The following ALPK2 variants were observed in gnomAD, a reference collection of about 807,000 sequenced individuals.
ALPK2 encodes alpha-protein kinase 2.
Under a neutral mutation model 163.1 loss-of-function variants are expected in ALPK2, and 127 were observed. The observed-to-expected ratio is 0.78, with a 90% CI of 0.67 to 0.90. ALPK2 has a LOEUF of 0.90. Among genes scored for constraint, ALPK2 ranks in the 40% least tolerant of loss-of-function variants. The probability of loss-of-function intolerance (pLI) is 0.00; values close to 1 mark genes in which losing one functional copy is unlikely to be tolerated. For synonymous variants in ALPK2, 953 were observed against 959.1 expected (o/e 0.99, Z 0.12); for missense variants, 2,360 against 2,589.6 (o/e 0.91, Z 1.92).
intron 12 of ALPK2, among the ~76,000 whole-genome samples, chr18:58,482,425 CAAT>C (rs1377448220): frequency 1.1e-4 from 16 of 152,062 alleles, no homozygotes; most frequent in Admixed American, 6.6e-4. Context: ...GAGAAGTTCT[CAAT>C]AAAGAATTTC....
At chr18:58,528,918 C>A in intron 6 of ALPK2, 173 bp downstream of exon 6, 1 of 779,168 alleles carries the variant, frequency 1.3e-6, no homozygotes, top group East Asian at 2.9e-5. Flanking sequence ...ATCATTTTCC[C>A]CATCCAGACA....
chr18:58,493,385 G>A (rs1236298446), intron 12 of ALPK2, among the ~76,000 whole-genome samples: 3 of 152,108 alleles, frequency 2.0e-5, no homozygotes, highest in African/African-American at 4.8e-5. Context: ...CTCGGGGCGT[G>A]TTTCTTCGGA....
intron 10 of ALPK2, among the ~76,000 whole-genome samples, chr18:58,505,960 C>T (rs12953464): frequency 0.54 from 81,741 of 151,394 alleles, 22,967 homozygotes; most frequent in Non-Finnish European, 0.63. Flanking sequence ...TCTGTGAGTT[C>T]CTCATCCTCT....
intron 3 of ALPK2, among the ~76,000 whole-genome samples, chr18:58,592,500 C>A (rs1294798125): frequency 6.6e-6 from 1 of 152,078 alleles, no homozygotes; most frequent in Non-Finnish European, 1.5e-5. Context: ...TGCACCGGAG[C>A]TGGAATGATC....
intron 10 of ALPK2, among the ~76,000 whole-genome samples, chr18:58,505,728 A>T (rs761000396): frequency 6.6e-5 from 10 of 151,862 alleles, no homozygotes; most frequent in Non-Finnish European, 1.2e-4. Flanking sequence ...CTCCCCTCCC[A>T]TTCTCTCTTA....
intron 12 of ALPK2, among the ~76,000 whole-genome samples, chr18:58,496,970 C>T (rs912642771): frequency 4.6e-5 from 7 of 152,258 alleles, no homozygotes; most frequent in Non-Finnish European, 8.8e-5. Context: ...CCCTATGTCC[C>T]AGAGACTGCT....
intron 1 of ALPK2, among the ~76,000 whole-genome samples, chr18:58,620,986 T>C (rs974352355): frequency 6.6e-6 from 1 of 151,936 alleles, no homozygotes; most frequent in Non-Finnish European, 1.5e-5. Flanking sequence ...TGAAACCCCA[T>C]CTCTACAAAA....
intron 5 of ALPK2, among the ~76,000 whole-genome samples, chr18:58,531,744 C>A (rs1473295733): frequency 6.6e-6 from 1 of 150,518 alleles, no homozygotes; most frequent in East Asian, 1.9e-4. Flanking sequence ...TCTAGACCAT[C>A]CTGGCCAACA....
intron 4 of ALPK2, among the ~76,000 whole-genome samples, chr18:58,573,234 G>GTATATATGTATACATGTGTATATA (rs1568089287): frequency 8.6e-6 from 1 of 116,506 alleles, no homozygotes; most frequent in Non-Finnish European, 1.8e-5. Flanking sequence ...GTGTATATGT[G>GTATATATGTATACATGTGTATATA]TGTATATATG....
intron 4 of ALPK2, among the ~76,000 whole-genome samples, chr18:58,539,077 A>T (rs79993401): frequency 0.091 from 13,846 of 152,248 alleles, 845 homozygotes; most frequent in East Asian, 0.14. Flanking sequence ...ACCCAATCTC[A>T]GGTATTCTGT....
intron 3 of ALPK2, among the ~76,000 whole-genome samples, chr18:58,606,480 A>T (rs1207015545): frequency 6.6e-6 from 1 of 152,214 alleles, no homozygotes; most frequent in Non-Finnish European, 1.5e-5. Context: ...TACATTCTTT[A>T]ACTCTGTCAG....
rs747850426 is a variant in ALPK2 at position 58,578,953 on chromosome 18, G to A, written c.1823C>T (p.Ala608Val). 5 of 1,614,072 alleles carry A rather than the reference G, an allele frequency of 3.1e-6. No homozygotes were observed. The highest frequency in any genetic ancestry group is 4.2e-6 in the Non-Finnish European group (5 of 1,180,044). ...TTGAAGGGTTTTTGCTTCTTGCTCTGCCTGGGTTGAAATAGCACATTCTCT... is the reference window on the plus strand; with the variant it reads ...TTGAAGGGTTTTTGCTTCTTGCTCTACCTGGGTTGAAATAGCACATTCTCT... ...DARECAISTQ[A>V]EQEAKTLQTS... The change falls in exon 4 of 13, where the codon GCA becomes GTA. Residue 608 changes from alanine to valine, a missense_variant. Coordinates refer to ENST00000361673, the MANE Select transcript of ALPK2 (RefSeq NM_052947.4).
intron 8 of ALPK2, 85 bp from the exon 9 acceptor site, chr18:58,517,267 A>G: frequency 7.0e-7 from 1 of 1,430,778 alleles, no homozygotes; most frequent in Non-Finnish European, 9.5e-7. Context: ...GTCCCCACAT[A>G]AGGACAATGA....
At chr18:58,544,042 G>A (rs185176029) in intron 4 of ALPK2, among the ~76,000 whole-genome samples, 64 of 152,324 alleles carry the variant, frequency 4.2e-4, no homozygotes, top group Admixed American at 1.6e-3. Flanking sequence ...TCCCTACAAG[G>A]TCTAAGGGTA....
chr18:58,512,628 T>C (rs1392142967), intron 10 of ALPK2, among the ~76,000 whole-genome samples: 1 of 151,512 alleles, frequency 6.6e-6, no homozygotes, highest in Non-Finnish European at 1.5e-5. Flanking sequence ...TGTGGTTGTG[T>C]GATGTGTATA....
intron 2 of ALPK2, among the ~76,000 whole-genome samples, chr18:58,609,215 G>A (rs1274487735): frequency 1.3e-5 from 2 of 151,786 alleles, no homozygotes; most frequent in Non-Finnish European, 2.9e-5. Flanking sequence ...GTAAACACCT[G>A]AGTAGTTACC....
intron 4 of ALPK2, among the ~76,000 whole-genome samples, chr18:58,550,964 A>G (rs748237114): frequency 6.6e-6 from 1 of 151,468 alleles, no homozygotes; most frequent in East Asian, 1.9e-4. Flanking sequence ...TCCATCACAT[A>G]CAACCCCATC....
chr18:58,548,306 G>A lies in ALPK2; in HGVS notation c.1963-10082C>T, dbSNP rs1025068501. On this transcript the variant is annotated intron_variant, in intron 4 of 12. Coordinates refer to ENST00000361673, the MANE Select transcript of ALPK2 (RefSeq NM_052947.4). ...GTCAGCAGGATAGTGATAGGACCTCGGGTTTGGTTTCCTGTGTTTTGTTTT... is the reference window on the plus strand; with the variant it reads ...GTCAGCAGGATAGTGATAGGACCTCAGGTTTGGTTTCCTGTGTTTTGTTTT... 9.3e-5 allele frequency among the ~76,000 whole-genome samples: 14 copies of A among 151,260 alleles called. No individual in the cohort carries two copies. In the South Asian group the frequency reaches 1.7e-3, roughly 18 times the overall value.
chr18:58,540,765 T>G (rs1408858974), intron 4 of ALPK2, among the ~76,000 whole-genome samples: 1 of 152,260 alleles, frequency 6.6e-6, no homozygotes, highest in Non-Finnish European at 1.5e-5. Flanking sequence ...GTATCATCAG[T>G]GTCAACAGAC....
Sources: gnomAD v4.1 joint callset for allele counts (sites outside exome capture counted in the v4.1 genomes callset) on GRCh38, gnomAD v4.1.1 for gene constraint, MANE v1.5 for transcripts, NCBI Gene and HGNC (gene_info 2026-07-23, HGNC 2026-07-21) for gene names.